LINGO2: variants seen among roughly 807,000 people sequenced by gnomAD.
LINGO2 encodes leucine rich repeat and Ig domain containing 2, also known as leucine-rich repeat and immunoglobulin-like domain-containing nogo receptor-interacting protein 2.
Under a neutral mutation model 30.6 loss-of-function variants are expected in LINGO2, and 14 were observed. The ratio of observed to expected loss-of-function variants is 0.46; its 90% CI spans 0.30 to 0.72. The LOEUF is 0.72. Ranked by LOEUF, LINGO2 falls within the 30% of genes least tolerant of loss-of-function variation. The pLI, the probability that LINGO2 is intolerant of heterozygous loss-of-function variation, is 0.07. For synonymous variants in LINGO2, 317 were observed against 288.5 expected, an observed-to-expected ratio of 1.10 and a Z score of -1.00; for missense variants, 729 against 751.7, an observed-to-expected ratio of 0.97 and a Z score of 0.35.
chr9:28,888,964 T>C, the LINGO2 span: 2 of 527,716 alleles, frequency 3.8e-6, no homozygotes, highest in South Asian at 1.4e-5. Context: ...ACAAACTTAT[T>C]CTAAGCAGGA....
chr9:28,749,621 G>T, the LINGO2 span, among the ~76,000 whole-genome samples: 2 of 151,904 alleles, frequency 1.3e-5, no homozygotes, highest in Admixed American at 1.3e-4. Context: ...TCTCATAATA[G>T]TATTTATGTT....
the LINGO2 span, among the ~76,000 whole-genome samples, chr9:28,884,025 T>G: frequency 6.6e-6 from 1 of 152,022 alleles, no homozygotes; most frequent in Non-Finnish European, 1.5e-5. Context: ...TATTATATAT[T>G]AAATCATTAA....
rs200275165 is a variant in LINGO2 at position 28,202,079 on chromosome 9, A to AT, written c.-87+93128dup. Reference sequence around the variant, plus strand: ...ACATCTGCCTTCATCTTCACGTGGCATTTTTTCTGTGCATTTACCTGTGTC... The same window carrying AT: ...ACATCTGCCTTCATCTTCACGTGGCATTTTTTTCTGTGCATTTACCTGTGTC... On this transcript the variant is annotated intron_variant, in intron 4 of 5. Coordinates refer to ENST00000379992, the Ensembl canonical transcript of LINGO2. 6.7e-3 allele frequency among the ~76,000 whole-genome samples: 1,020 copies of AT among 152,062 alleles called. 19 individuals are homozygous for AT. Among genetic ancestry groups the AT allele is most frequent in the African/African-American group, 0.024 (984 of 41,458 alleles).
chr9:28,527,001 TA>T (rs1821062951), intron 1 of LINGO2, among the ~76,000 whole-genome samples: 1 of 152,220 alleles, frequency 6.6e-6, no homozygotes, highest in Non-Finnish European at 1.5e-5. Context: ...ATTATTATAT[TA>T]AAAGTCACAT....
Position 28,147,820 on chromosome 9 carries a change from C to G in LINGO2, c.-86-135415G>C, listed in dbSNP as rs1051451154. Reference sequence around the variant, plus strand: ...TTGACTCCTCTTGTAGGCACCCTCGCTGGGCTCCTAAGCACTCCTCCACAC... The same window carrying G: ...TTGACTCCTCTTGTAGGCACCCTCGGTGGGCTCCTAAGCACTCCTCCACAC... On this transcript the variant is annotated intron_variant, in intron 4 of 5. Coordinates refer to ENST00000379992, the Ensembl canonical transcript of LINGO2. The surrounding 1 kb of genome is among the most constrained non-coding windows in gnomAD (Gnocchi z 4.7). Among the ~76,000 whole-genome samples, 32 of 152,140 alleles carry G rather than the reference C, an allele frequency of 2.1e-4. No individual in the cohort carries two copies. Among genetic ancestry groups the G allele is most frequent in the Non-Finnish European group, 4.4e-4 (30 of 68,032 alleles).
chr9:28,025,608 G>A (rs1034790304), intron 4 of LINGO2, among the ~76,000 whole-genome samples: 6 of 152,098 alleles, frequency 3.9e-5, no homozygotes, highest in African/African-American at 1.4e-4. Flanking sequence ...AGGTGTGAAT[G>A]GGCATGAAAG....
Position 27,962,652 on chromosome 9 carries a change from G to A in LINGO2, c.-35-11946C>T, listed in dbSNP as rs550973666. 2.6e-5 allele frequency among the ~76,000 whole-genome samples: 4 copies of A among 152,208 alleles called. No homozygotes were observed. The East Asian group carries it at 7.7e-4, about 29-fold the overall frequency. On this transcript the variant is annotated intron_variant, in intron 5 of 5. Coordinates refer to ENST00000379992, the Ensembl canonical transcript of LINGO2. Reference sequence around the variant, plus strand: ...AAACTGTGGAGGAATGTTGTGCTTTGTTATTCTCCTCACAAATATTTCTCA... The same window carrying A: ...AAACTGTGGAGGAATGTTGTGCTTTATTATTCTCCTCACAAATATTTCTCA...
the LINGO2 span, among the ~76,000 whole-genome samples, chr9:29,082,761 A>G: frequency 3.9e-5 from 6 of 152,336 alleles, no homozygotes; most frequent in East Asian, 1.9e-4. Context: ...ACCCATCAAC[A>G]AGTGGGCGAA....
intron 4 of LINGO2, among the ~76,000 whole-genome samples, chr9:28,269,705 A>G (rs1215345405): frequency 1.3e-5 from 2 of 152,098 alleles, no homozygotes; most frequent in Admixed American, 1.3e-4. Context: ...ATCCACCACA[A>G]AAGACTTTGC....
At chr9:29,149,704 C>G in the LINGO2 span, among the ~76,000 whole-genome samples, 1 of 152,082 alleles carries the variant, frequency 6.6e-6, no homozygotes. Context: ...TTTGAACTGC[C>G]TGGAGACTAC....
chr9:28,193,746 C>G (rs943111763), intron 4 of LINGO2, among the ~76,000 whole-genome samples: 1 of 152,198 alleles, frequency 6.6e-6, no homozygotes, highest in Non-Finnish European at 1.5e-5. Flanking sequence ...TGAGAAAGAA[C>G]TTTTGACAGT....
At chr9:28,701,672 A>C in the LINGO2 span, among the ~76,000 whole-genome samples, 1 of 151,898 alleles carries the variant, frequency 6.6e-6, no homozygotes, top group Admixed American at 6.6e-5. Flanking sequence ...TTTAATATCA[A>C]CAAAATAACA....
chr9:28,877,882 G>A, the LINGO2 span, among the ~76,000 whole-genome samples: 1 of 152,168 alleles, frequency 6.6e-6, no homozygotes, highest in African/African-American at 2.4e-5. Context: ...TCCTACCAAT[G>A]AGCATGGAAT....
the LINGO2 span, among the ~76,000 whole-genome samples, chr9:29,005,709 A>C: frequency 6.6e-6 from 1 of 151,924 alleles, no homozygotes; most frequent in African/African-American, 2.4e-5. Context: ...ATATATGAAA[A>C]CCCGGCCCTT....
At chr9:28,456,925 T>C (rs1824873296) in intron 2 of LINGO2, among the ~76,000 whole-genome samples, 1 of 152,320 alleles carries the variant, frequency 6.6e-6, no homozygotes, top group African/African-American at 2.4e-5. Context: ...TATTTTTACT[T>C]ACATGTTATC....
intron 4 of LINGO2, among the ~76,000 whole-genome samples, chr9:28,224,971 G>T (rs1240933850): frequency 6.6e-6 from 1 of 152,074 alleles, no homozygotes; most frequent in Non-Finnish European, 1.5e-5. Flanking sequence ...CCACACATTT[G>T]CAACCAACTC....
Position 28,049,101 on chromosome 9 carries a change from C to G in LINGO2, c.-86-36696G>C, listed in dbSNP as rs1824554553. On this transcript the variant is annotated intron_variant, in intron 4 of 5. Coordinates refer to ENST00000379992, the Ensembl canonical transcript of LINGO2. ...GTAACAGAGTAATGTGTTTGCACAT[C>G]ACTAAGTGTATGCAATGCCTTCATG... Among the ~76,000 whole-genome samples, 2 of 150,970 alleles carry G rather than the reference C, an allele frequency of 1.3e-5. 1 individual carries two copies. Among genetic ancestry groups the G allele is most frequent in the African/African-American group, 4.9e-5 (2 of 40,878 alleles).
intron 1 of LINGO2, among the ~76,000 whole-genome samples, chr9:28,517,863 AGGT>A (rs1225155198): frequency 3.1e-4 from 47 of 152,214 alleles, no homozygotes; most frequent in Non-Finnish European, 5.7e-4. Context: ...ATCATCCTCA[AGGT>A]ACAAAGATTC....
chr9:28,929,568 G>A, the LINGO2 span, among the ~76,000 whole-genome samples: 1 of 152,158 alleles, frequency 6.6e-6, no homozygotes, highest in East Asian at 1.9e-4. Context: ...GTCCCAGTCT[G>A]TAAGTTTTAT....
Sources: allele counts gnomAD v4.1 joint callset (sites outside exome capture counted in the v4.1 genomes callset), GRCh38; gene constraint gnomAD v4.1.1; non-coding constraint Gnocchi (gnomAD v3.1); transcripts MANE v1.5; gene names NCBI Gene and HGNC (gene_info 2026-07-23, HGNC 2026-07-21).